Variants in CD6 observed in about 807,000 individuals in gnomAD.
The protein encoded by CD6 is T-cell differentiation antigen CD6.
CD6 carries 53 observed loss-of-function variants against 75.3 expected under a neutral mutation model. That is an observed-to-expected ratio of 0.70 (90% CI 0.56 to 0.88). CD6 has a LOEUF of 0.88. Ranked by LOEUF, CD6 falls within the 40% of genes least tolerant of loss-of-function variation. CD6 has a pLI of 0.00. For synonymous variants in CD6, 359 were observed against 381.5 expected (o/e 0.94, Z 0.69); for missense variants, 770 against 897.1 (o/e 0.86, Z 1.81).
At chr11:61,012,172 A>T (rs537702150) in intron 6 of CD6, among the ~76,000 whole-genome samples, 1 of 152,258 alleles carries the variant, frequency 6.6e-6, no homozygotes, top group South Asian at 2.1e-4. Context: ...GAGGAAATGA[A>T]ATGTACAACT....
At chr11:60,989,087 C>A (rs746640427) in intron 1 of CD6, among the ~76,000 whole-genome samples, 1 of 152,206 alleles carries the variant, frequency 6.6e-6, no homozygotes, top group Non-Finnish European at 1.5e-5. Context: ...CCCTAGAATG[C>A]CTTCTTAACT....
chr11:60,995,034 C>T (rs190282755), intron 1 of CD6, among the ~76,000 whole-genome samples: 91 of 152,318 alleles, frequency 6.0e-4, no homozygotes, highest in Middle Eastern at 3.4e-3. Flanking sequence ...CCGGGTGTCA[C>T]AGGCTCTTCA....
intron 1 of CD6, among the ~76,000 whole-genome samples, chr11:60,980,154 A>G (rs367882075): frequency 6.6e-6 from 1 of 152,214 alleles, no homozygotes; most frequent in East Asian, 1.9e-4. Flanking sequence ...ACTGATGGGT[A>G]CACAGGATTT....
At chr11:60,981,049 C>T (rs1857543005) in intron 1 of CD6, among the ~76,000 whole-genome samples, 1 of 152,036 alleles carries the variant, frequency 6.6e-6, no homozygotes, top group African/African-American at 2.4e-5. Context: ...ACTGGTGTGC[C>T]ATGAGGATTC....
intron 1 of CD6, among the ~76,000 whole-genome samples, chr11:60,997,053 T>C (rs1315362501): frequency 6.6e-6 from 1 of 152,160 alleles, no homozygotes; most frequent in Admixed American, 6.5e-5. Flanking sequence ...CAGCACTGTC[T>C]GATGTCAATA....
chr11:61,014,057 C>A, intron 8 of CD6, 43 bp downstream of exon 8: 5 of 1,459,828 alleles, frequency 3.4e-6, no homozygotes, highest in South Asian at 1.2e-5. Flanking sequence ...CTGGGGAGGA[C>A]AAGAAGGGTG....
chr11:60,990,508 G>A (rs1045941882), intron 1 of CD6, among the ~76,000 whole-genome samples: 4 of 152,152 alleles, frequency 2.6e-5, no homozygotes, highest in African/African-American at 9.7e-5. Flanking sequence ...ACAGGCGTGA[G>A]CCACCGCGCC....
At chr11:61,003,720 C>T (rs1416581307) in intron 1 of CD6, among the ~76,000 whole-genome samples, 3 of 152,154 alleles carry the variant, frequency 2.0e-5, no homozygotes, top group African/African-American at 7.2e-5. Flanking sequence ...GGCGACAGAG[C>T]GAGACACTGT....
At chr11:60,980,191 T>C (rs1857508270) in intron 1 of CD6, among the ~76,000 whole-genome samples, 1 of 152,184 alleles carries the variant, frequency 6.6e-6, no homozygotes, top group Non-Finnish European at 1.5e-5. Flanking sequence ...CAACTTCTTA[T>C]GAGTCCATAG....
At chr11:60,979,656 C>A (rs916697684) in intron 1 of CD6, among the ~76,000 whole-genome samples, 1 of 151,930 alleles carries the variant, frequency 6.6e-6, no homozygotes, top group Non-Finnish European at 1.5e-5. Flanking sequence ...TTAGTAGAGA[C>A]GGGGTTTCAC....
chr11:61,005,220 A>G lies in CD6; in HGVS notation c.50-1354A>G, dbSNP rs149208368. 9.5e-4 allele frequency among the ~76,000 whole-genome samples: 144 copies of G among 152,362 alleles called. 2 individuals carry two copies. Among genetic ancestry groups the G allele is most frequent in the African/African-American group, 3.2e-3 (132 of 41,592 alleles). ...ATTTACAAAGGGTAATGCAGTAAGT[A>G]GAATCTAAGAGCAACTTCTGGCCAA... On this transcript the variant is annotated intron_variant, in intron 1 of 12. Coordinates refer to ENST00000313421, the MANE Select transcript of CD6 (RefSeq NM_006725.5).
chr11:61,002,555 TC>T (rs1442321378), intron 1 of CD6, among the ~76,000 whole-genome samples: 1 of 151,492 alleles, frequency 6.6e-6, no homozygotes, highest in East Asian at 1.9e-4. Flanking sequence ...AGACACTGTT[TC>T]AAAAAAAAAA....
In CD6 at chr11:61,017,834, G is replaced by A; in HGVS notation, c.1658G>A (p.Gly553Asp). The A allele has an allele frequency of 1.1e-5, 18 of 1,614,064 alleles. No individual in the cohort carries two copies. Among genetic ancestry groups the A allele is most frequent in the Non-Finnish European group, 1.5e-5 (18 of 1,180,008 alleles). The change falls in exon 11 of 13, where the codon GGC (glycine) becomes GAC (aspartate). Residue 553 changes from glycine to aspartate, a missense_variant. By Grantham distance (94) the Gly-to-Asp change is moderately conservative. Coordinates refer to ENST00000313421, the MANE Select transcript of CD6 (RefSeq NM_006725.5). Reference sequence around the variant, plus strand: ...TGCATTACAGACCCGCCATCCCTGGGCCCTCAGTATCACCCGAGGAGCAAC... The same window carrying A: ...TGCATTACAGACCCGCCATCCCTGGACCCTCAGTATCACCCGAGGAGCAAC... ...GHCITDPPSL[G>D]PQYHPRSNSE...
chr11:61,015,148 T>C (rs1396198690), intron 8 of CD6, among the ~76,000 whole-genome samples: 1 of 152,246 alleles, frequency 6.6e-6, no homozygotes, highest in Non-Finnish European at 1.5e-5. Flanking sequence ...GTAATACTTG[T>C]AAGTGTTAGA....
At chr11:61,016,584 A>G (rs911818698) in intron 9 of CD6, among the ~76,000 whole-genome samples, 3 of 152,176 alleles carry the variant, frequency 2.0e-5, no homozygotes, top group Admixed American at 6.5e-5. Flanking sequence ...CTTCATCTAC[A>G]TGGTCCAGAA....
chr11:61,010,962 C>T, intron 5 of CD6, 108 bp from the exon 6 acceptor site: 1 of 988,414 alleles, frequency 1.0e-6, no homozygotes, highest in Non-Finnish European at 1.6e-6. Flanking sequence ...GGAGCACAAC[C>T]CTAGTTCTGG....
chr11:60,980,371 T>G (rs2135012379), intron 1 of CD6, among the ~76,000 whole-genome samples: 1 of 152,206 alleles, frequency 6.6e-6, no homozygotes, highest in East Asian at 1.9e-4. Context: ...GGATGTGAGA[T>G]TCATGCCTGT....
intron 1 of CD6, among the ~76,000 whole-genome samples, chr11:60,972,572 A>G (rs1234595564): frequency 6.6e-6 from 1 of 152,160 alleles, no homozygotes; most frequent in African/African-American, 2.4e-5. Context: ...CTCCCCAGAT[A>G]CTTGCTGGCC....
At position 61,011,278 on chromosome 11, in the gene CD6, C is replaced by A. The variant is rs1433161394; in HGVS notation, c.1150+143C>A. The A allele has an allele frequency of 1.2e-5, 8 of 679,588 alleles. No homozygotes were observed. The African/African-American group carries it at 1.4e-4, about 12-fold the overall frequency. 42.1% of individuals were successfully genotyped at this position (679,588 alleles called of 1,614,324 possible). On this transcript the variant is annotated intron_variant, in intron 6 of 12. Transcript: ENST00000313421. ...CCACCTCCAGCCAATGGACTTGCCT[C>A]CCCGGGGCTCTCTGGGTGGCATTTC...
Sources: allele counts gnomAD v4.1 joint callset (sites outside exome capture counted in the v4.1 genomes callset), GRCh38; gene constraint gnomAD v4.1.1; transcripts MANE v1.5; gene names NCBI Gene and HGNC (gene_info 2026-07-23, HGNC 2026-07-21).